ARHGEF3: variants seen among roughly 807,000 people sequenced by gnomAD.
The protein encoded by ARHGEF3 is 59.8 kDA protein.
A neutral mutation model predicts 63.2 loss-of-function variants in ARHGEF3; 28 were observed. That is an observed-to-expected ratio of 0.44 (90% CI 0.33 to 0.61). The LOEUF (loss-of-function observed/expected upper bound fraction) is 0.61, where lower values mean the gene tolerates loss of function less well. ARHGEF3 is among the 20% of genes least tolerant of loss of function. The pLI, the probability that ARHGEF3 is intolerant of heterozygous loss-of-function variation, is 0.03. For missense variants in ARHGEF3, 533 were observed against 659.3 expected, an observed-to-expected ratio of 0.81 and a Z score of 2.10; for synonymous variants, 266 against 254.2, an observed-to-expected ratio of 1.05 and a Z score of -0.44.
intron 2 of ARHGEF3, among the ~76,000 whole-genome samples, chr3:57,010,538 T>A (rs1447852403): frequency 6.6e-6 from 1 of 151,938 alleles, no homozygotes; most frequent in African/African-American, 2.4e-5. Flanking sequence ...CATTGACATC[T>A]ACATATACAG....
chr3:56,812,014 G>A (rs1251608319), intron 4 of ARHGEF3, among the ~76,000 whole-genome samples: 1 of 152,060 alleles, frequency 6.6e-6, no homozygotes, highest in Non-Finnish European at 1.5e-5. Flanking sequence ...AAGGGGACAG[G>A]GACCATATCT....
intron 2 of ARHGEF3, among the ~76,000 whole-genome samples, chr3:57,014,183 C>A (rs149402698): frequency 6.6e-6 from 1 of 152,084 alleles, no homozygotes; most frequent in Non-Finnish European, 1.5e-5. Context: ...AGCAAGACCA[C>A]GAACCCACCA....
intron 2 of ARHGEF3, among the ~76,000 whole-genome samples, chr3:57,033,639 G>A (rs1703827418): frequency 6.6e-6 from 1 of 152,138 alleles, no homozygotes; most frequent in African/African-American, 2.4e-5. Context: ...GATCCCAGTG[G>A]TTACTTCTGG....
intron 2 of ARHGEF3, among the ~76,000 whole-genome samples, chr3:56,968,910 C>A (rs966448738): frequency 6.6e-6 from 1 of 152,124 alleles, no homozygotes; most frequent in East Asian, 1.9e-4. Flanking sequence ...TAAGGCATTC[C>A]GTTTCCAATA....
At chr3:56,749,125 G>C (rs567991125) in intron 6 of ARHGEF3, among the ~76,000 whole-genome samples, 3 of 152,216 alleles carry the variant, frequency 2.0e-5, no homozygotes, top group African/African-American at 4.8e-5. Flanking sequence ...AGCTTGTCAG[G>C]CCTGATAAAT....
chr3:56,992,671 A>T (rs1701811217), intron 2 of ARHGEF3, among the ~76,000 whole-genome samples: 1 of 152,130 alleles, frequency 6.6e-6, no homozygotes, highest in Non-Finnish European at 1.5e-5. Context: ...CACATAGCAC[A>T]GAGGACAATT....
intron 3 of ARHGEF3, among the ~76,000 whole-genome samples, chr3:56,942,163 T>G (rs1280430032): frequency 6.6e-6 from 1 of 152,254 alleles, no homozygotes; most frequent in African/African-American, 2.4e-5. Flanking sequence ...TTATTGCTAT[T>G]GTTTTTATTA....
chr3:56,741,368 A>G (rs2034012915), intron 7 of ARHGEF3, among the ~76,000 whole-genome samples: 1 of 150,978 alleles, frequency 6.6e-6, no homozygotes, highest in East Asian at 2.0e-4. Context: ...TATTTTTAGT[A>G]GAGATGGGAT....
chr3:56,899,647 T>G (rs2108304710), intron 3 of ARHGEF3, among the ~76,000 whole-genome samples: 1 of 152,346 alleles, frequency 6.6e-6, no homozygotes, highest in Admixed American at 6.5e-5. Flanking sequence ...TGAAGCCTTT[T>G]TCAGGTCAAA....
intron 2 of ARHGEF3, among the ~76,000 whole-genome samples, chr3:57,006,140 A>G (rs904769338): frequency 6.6e-6 from 1 of 152,186 alleles, no homozygotes; most frequent in African/African-American, 2.4e-5. Flanking sequence ...ACCAGGAACC[A>G]CTTTTAATAG....
intron 1 of ARHGEF3, among the ~76,000 whole-genome samples, chr3:56,781,395 C>T (rs2036561600): frequency 6.6e-6 from 1 of 151,428 alleles, no homozygotes; most frequent in African/African-American, 2.4e-5. Flanking sequence ...TACAGGAGTA[C>T]ACCACCATAC....
intron 2 of ARHGEF3, among the ~76,000 whole-genome samples, chr3:56,766,722 A>G (rs2035723761): frequency 6.6e-6 from 1 of 151,896 alleles, no homozygotes; most frequent in Non-Finnish European, 1.5e-5. Flanking sequence ...GAGAAATGTA[A>G]GAAGTCTAGA....
At chr3:57,062,250 C>G (rs1411518200) in intron 1 of ARHGEF3, among the ~76,000 whole-genome samples, 1 of 152,234 alleles carries the variant, frequency 6.6e-6, no homozygotes, top group Non-Finnish European at 1.5e-5. Context: ...CCTCACTGCT[C>G]TAGCGCTGGG....
chr3:56,859,973 T>TA (rs1305026959), intron 4 of ARHGEF3, among the ~76,000 whole-genome samples: 1 of 149,212 alleles, frequency 6.7e-6, no homozygotes, highest in Admixed American at 7.0e-5. Context: ...CCAGCCTGGG[T>TA]AACATGGCGA....
intron 2 of ARHGEF3, among the ~76,000 whole-genome samples, chr3:57,003,358 G>A (rs796687445): frequency 2.3e-5 from 3 of 128,474 alleles, no homozygotes; most frequent in African/African-American, 6.1e-5. Flanking sequence ...AGCTGAGATC[G>A]CACCGCTGCT....
intron 3 of ARHGEF3, chr3:56,938,894 T>C (rs1444133537): frequency 6.6e-6 from 1 of 152,210 alleles, no homozygotes; most frequent in Non-Finnish European, 1.5e-5. Context: ...TACAGAGAGA[T>C]AGGACATTTG....
At chr3:56,867,633 G>T (rs1244842949) in intron 4 of ARHGEF3, among the ~76,000 whole-genome samples, 1 of 151,950 alleles carries the variant, frequency 6.6e-6, no homozygotes, top group African/African-American at 2.4e-5. Context: ...ACCATGCCTG[G>T]ATAATTTTTA....
intron 2 of ARHGEF3, among the ~76,000 whole-genome samples, chr3:56,983,277 A>G (rs745991272): frequency 1.3e-5 from 2 of 152,198 alleles, no homozygotes; most frequent in South Asian, 2.1e-4. Flanking sequence ...AAGGGCCCCT[A>G]TTTCCACAAG....
At chr3:57,006,573 A>G (rs1307278377) in intron 2 of ARHGEF3, among the ~76,000 whole-genome samples, 1 of 152,118 alleles carries the variant, frequency 6.6e-6, no homozygotes, top group East Asian at 1.9e-4. Flanking sequence ...GACACATGGC[A>G]TTTCTCTCTG....
Sources: gnomAD v4.1 joint callset for allele counts (sites outside exome capture counted in the v4.1 genomes callset) on GRCh38, gnomAD v4.1.1 for gene constraint, MANE v1.5 for transcripts, NCBI Gene and HGNC (gene_info 2026-07-23, HGNC 2026-07-21) for gene names.